FBN1: variants seen among roughly 807,000 people sequenced by gnomAD.
FBN1 encodes fibrillin 1.
In FBN1, 29 loss-of-function variants were observed where a neutral mutation model predicts 365.1. The ratio of observed to expected loss-of-function variants is 0.08; its 90% CI spans 0.06 to 0.11. The LOEUF is 0.11. Among genes scored for constraint, FBN1 ranks in the 10% least tolerant of loss-of-function variants. The pLI is 1.00. For missense variants in FBN1, 2,476 were observed against 3,703.2 expected (o/e 0.67, Z 8.60); for synonymous variants, 1,210 against 1,270.5 (o/e 0.95, Z 1.01).
chr15:48,509,140 T>C (rs930992387), intron 14 of FBN1, among the ~76,000 whole-genome samples: 11 of 152,176 alleles, frequency 7.2e-5, no homozygotes, highest in African/African-American at 2.7e-4. Context: ...GGCTACATCC[T>C]AATTCTTTTA....
In FBN1 at chr15:48,456,262, T is replaced by G. The variant is rs1016526393; in HGVS notation, c.5422+375A>C. Among the ~76,000 whole-genome samples the G allele has an allele frequency of 5.3e-5, 8 of 152,364 alleles. No individual in the cohort carries two copies. In the East Asian group the frequency reaches 1.5e-3, roughly 29 times the overall value. ...ACTTGGGAGTAGCAAAGTCTCTGTC[T>G]GGAAGAGAAATGATTTTGAGAGTCA... On this transcript the variant is annotated intron_variant, in intron 44 of 65. Transcript: ENST00000316623.
In FBN1 at chr15:48,637,705, T is replaced by C. The variant is rs140511745; in HGVS notation, c.164+6901A>G. On this transcript the variant is annotated intron_variant, in intron 2 of 65. Transcript: ENST00000316623. ...AGAGTTCAACTATCAAAAACTATTC[T>C]ATTGAACATGTGCCGCATACCCAGT... is the stretch of plus-strand genomic sequence containing the variant. Among the ~76,000 whole-genome samples, 26 of 152,318 alleles carry C rather than the reference T, an allele frequency of 1.7e-4. No homozygotes were observed. In the East Asian group the frequency reaches 4.8e-3, roughly 28 times the overall value.
intron 2 of FBN1, among the ~76,000 whole-genome samples, chr15:48,622,682 T>C (rs1313351904): frequency 6.6e-6 from 1 of 152,160 alleles, no homozygotes; most frequent in Non-Finnish European, 1.5e-5. Context: ...GTTAAACATC[T>C]CATTATTAGG....
chr15:48,615,530 A>AT (rs1279813367), intron 2 of FBN1, among the ~76,000 whole-genome samples: 6 of 152,166 alleles, frequency 3.9e-5, no homozygotes, highest in African/African-American at 1.4e-4. Context: ...AACATGGAAG[A>AT]TTTTACAATT....
At chr15:48,567,378 TAGAG>T (rs1350608424) in intron 6 of FBN1, among the ~76,000 whole-genome samples, 2 of 152,176 alleles carry the variant, frequency 1.3e-5, no homozygotes, top group East Asian at 3.8e-4. Flanking sequence ...TCATCATAGA[TAGAG>T]AAACACTGTT....
intron 43 of FBN1, 105 bp from the exon 44 acceptor site, chr15:48,456,867 T>TGTGC: frequency 1.8e-6 from 2 of 1,135,840 alleles, no homozygotes; most frequent in Non-Finnish European, 2.6e-6. Context: ...TGTGTGTGTG[T>TGTGC]GTGTGCGTGC....
At chr15:48,428,015 C>G (rs777951185) in intron 57 of FBN1, 1 of 683,284 alleles carries the variant, frequency 1.5e-6, no homozygotes, top group African/African-American at 1.8e-5. Flanking sequence ...ATAACTCTCT[C>G]TGCTCCCAGA....
intron 13 of FBN1, among the ~76,000 whole-genome samples, chr15:48,511,850 C>T (rs1597578940): frequency 6.6e-6 from 1 of 152,272 alleles, no homozygotes; most frequent in Middle Eastern, 3.4e-3. Flanking sequence ...CTGGTCCTTG[C>T]CCCAGCTGAG....
intron 5 of FBN1, among the ~76,000 whole-genome samples, chr15:48,597,276 G>C (rs927464986): frequency 1.3e-5 from 2 of 152,160 alleles, no homozygotes; most frequent in Non-Finnish European, 2.9e-5. Flanking sequence ...AAGTTTAGCT[G>C]GCAGACCACT....
At chr15:48,584,582 C>T (rs1350534262) in intron 6 of FBN1, among the ~76,000 whole-genome samples, 3 of 152,144 alleles carry the variant, frequency 2.0e-5, no homozygotes, top group African/African-American at 7.2e-5. Flanking sequence ...CAGTTGGCTC[C>T]GTCAAGGGAT....
intron 45 of FBN1, among the ~76,000 whole-genome samples, chr15:48,449,441 C>T (rs1349015245): frequency 2.0e-5 from 3 of 152,184 alleles, no homozygotes; most frequent in African/African-American, 7.2e-5. Flanking sequence ...CACGTCTACA[C>T]AGGGCTCCTT....
intron 2 of FBN1, among the ~76,000 whole-genome samples, chr15:48,639,915 A>G (rs1890168641): frequency 6.6e-6 from 1 of 152,234 alleles, no homozygotes; most frequent in African/African-American, 2.4e-5. Context: ...TAAAACTCCC[A>G]AAGTGGTTAG....
chr15:48,425,332 G>C, intron 60 of FBN1, 37 bp downstream of exon 60: 1 of 1,613,914 alleles, frequency 6.2e-7, no homozygotes, highest in Non-Finnish European at 8.5e-7. Context: ...CCATGTGTCA[G>C]GAGCTAGGTG....
intron 9 of FBN1, among the ~76,000 whole-genome samples, chr15:48,523,933 T>C (rs2043884403): frequency 6.6e-6 from 1 of 152,196 alleles, no homozygotes; most frequent in Admixed American, 6.5e-5. Context: ...ACTTGGCCCT[T>C]ATTCTCAGGA....
At chr15:48,470,598 C>T (rs1390396966) in intron 36 of FBN1, 36 bp downstream of exon 36, 1 of 1,613,230 alleles carries the variant, frequency 6.2e-7, no homozygotes, top group East Asian at 2.2e-5. Flanking sequence ...CCCCGGGACA[C>T]CAGGGAGCTG....
Position 48,474,334 on chromosome 15 carries a change from A to G in FBN1, c.4131T>C (p.His1377=). ...CSNGTHMCSQ[H]ADCKNTMGSY... is the part of the protein sequence containing the mutation. ...ATCCCATGGTATTCTTGCAGTCTGC[A>G]TGCTGGCTGCACATATGGGTTCCAT... is the stretch of plus-strand genomic sequence containing the variant. The change falls in exon 34 of 66, where the codon CAT becomes CAC. Residue 1377 remains histidine (H), a synonymous_variant. Coordinates refer to ENST00000316623, the MANE Select transcript of FBN1 (RefSeq NM_000138.5). 1 of 1,614,166 alleles carries G rather than the reference A, an allele frequency of 6.2e-7. No individual in the cohort carries two copies. The highest frequency in any genetic ancestry group is 8.5e-7 in the Non-Finnish European group (1 of 1,180,012).
intron 6 of FBN1, among the ~76,000 whole-genome samples, chr15:48,541,547 T>C (rs1016725334): frequency 6.6e-5 from 10 of 152,204 alleles, no homozygotes; most frequent in African/African-American, 2.4e-4. Context: ...GTCATTCCGA[T>C]TTGGCGGCAT....
chr15:48,610,598 A>G, intron 4 of FBN1, 130 bp downstream of exon 4: 1 of 721,872 alleles, frequency 1.4e-6, no homozygotes. Context: ...TATTTTGGGC[A>G]GAACAGAGAA....
Position 48,484,949 on chromosome 15 carries a change from G to A in FBN1, c.3712+425C>T, listed in dbSNP as rs149477167. ...AGAGATTGTGAAAACAAATTCCTGG[G>A]ATCTACCTCAGTAGTTTCTGATACG... On this transcript the variant is annotated intron_variant, in intron 30 of 65. Transcript: ENST00000316623. Among the ~76,000 whole-genome samples, 187 of 152,250 alleles carry A rather than the reference G, an allele frequency of 1.2e-3. 1 individual carries two copies. The highest frequency in any genetic ancestry group is 4.4e-3 in the African/African-American group (182 of 41,552).
Sources: allele counts gnomAD v4.1 joint callset (sites outside exome capture counted in the v4.1 genomes callset), GRCh38; gene constraint gnomAD v4.1.1; transcripts MANE v1.5; gene names NCBI Gene and HGNC (gene_info 2026-07-23, HGNC 2026-07-21).